Variants in PAM observed in about 807,000 individuals in gnomAD.
The protein encoded by PAM is peptidyl-glycine alpha-amidating monooxygenase.
PAM carries 72 observed loss-of-function variants against 122.1 expected under a neutral mutation model. The ratio of observed to expected loss-of-function variants is 0.59; its 90% confidence interval spans 0.49 to 0.72. The LOEUF is 0.72. Ranked by LOEUF, PAM falls within the 30% of genes least tolerant of loss-of-function variation. PAM has a pLI of 0.00. For synonymous variants in PAM, 389 were observed against 404.4 expected (o/e 0.96, Z 0.46); for missense variants, 1,106 against 1,183.7 (o/e 0.93, Z 0.96).
At chr5:103,016,162 G>C (rs1441898197) in intron 21 of PAM, among the ~76,000 whole-genome samples, 2 of 152,020 alleles carry the variant, frequency 1.3e-5, no homozygotes, top group Non-Finnish European at 1.5e-5. Context: ...CAGCTTATTT[G>C]AAAGTATGAA....
In PAM at chr5:102,789,515, G is replaced by A. The variant is rs112382116; in HGVS notation, c.-374+34167G>A. 7.1e-3 allele frequency among the ~76,000 whole-genome samples: 1,081 copies of A among 152,152 alleles called. 7 individuals carry two copies. The highest frequency in any genetic ancestry group is 0.025 in the African/African-American group (1,024 of 41,530). ...CATGGCTGATCCTTGAAGACATTACGCTAGGTGAAATAAGCGAGACACAAA... is the reference window on the plus strand; with the variant it reads ...CATGGCTGATCCTTGAAGACATTACACTAGGTGAAATAAGCGAGACACAAA... On this transcript the variant is annotated intron_variant, in intron 1 of 25. Coordinates refer to ENST00000438793, the MANE Select transcript of PAM (RefSeq NM_001177306.2).
At chr5:102,837,302 G>A (rs1024843275) in intron 1 of PAM, among the ~76,000 whole-genome samples, 1 of 152,072 alleles carries the variant, frequency 6.6e-6, no homozygotes, top group African/African-American at 2.4e-5. Context: ...ACATTGCCTT[G>A]CAATATTTGT....
intron 5 of PAM, among the ~76,000 whole-genome samples, chr5:102,923,858 C>A (rs1748341508): frequency 6.6e-6 from 1 of 152,094 alleles, no homozygotes; most frequent in Admixed American, 6.5e-5. Flanking sequence ...TTTCACCCTG[C>A]AACACTCTCT....
At chr5:102,955,275 T>C (rs1383391057) in intron 12 of PAM, among the ~76,000 whole-genome samples, 1 of 151,924 alleles carries the variant, frequency 6.6e-6, no homozygotes, top group African/African-American at 2.4e-5. Flanking sequence ...CTTTCTAATA[T>C]AATATATTTT....
At chr5:102,833,798 G>T (rs1401084379) in intron 1 of PAM, among the ~76,000 whole-genome samples, 1 of 152,044 alleles carries the variant, frequency 6.6e-6, no homozygotes, top group Non-Finnish European at 1.5e-5. Flanking sequence ...GACAATGTTG[G>T]ATTCCTTACC....
intron 15 of PAM, 200 bp from the exon 16 acceptor site, chr5:102,990,072 A>G: frequency 2.8e-6 from 1 of 355,324 alleles, no homozygotes. Context: ...TCCTAATGCA[A>G]GTTCCCAGTC....
At chr5:102,824,993 G>T (rs1773156918) in intron 1 of PAM, among the ~76,000 whole-genome samples, 1 of 152,202 alleles carries the variant, frequency 6.6e-6, no homozygotes, top group Admixed American at 6.5e-5. Context: ...AGACATTGAT[G>T]ACAGACTTGT....
At position 102,925,011 on chromosome 5, in the gene PAM, G is replaced by GAGA; in HGVS notation, c.413_415dup (p.Arg138dup). On this transcript the variant is annotated inframe_insertion, in exon 6 of 26. Transcript: ENST00000438793. ...AAGCCAATATTCTGTATGCCTGGGC[G>GAGA]AGAAATGCTCCCCCTACCCGGCTCC... 6.3e-7 allele frequency: 1 copy of GAGA among 1,591,292 alleles called. No individual in the cohort carries two copies. Among genetic ancestry groups the GAGA allele is most frequent in the Non-Finnish European group, 8.6e-7 (1 of 1,159,138 alleles).
intron 4 of PAM, among the ~76,000 whole-genome samples, chr5:102,902,949 G>A (rs1197173204): frequency 6.6e-6 from 1 of 151,384 alleles, no homozygotes. Context: ...TATATCCTGT[G>A]TGTTATTGCT....
intron 23 of PAM, among the ~76,000 whole-genome samples, chr5:103,020,871 G>A (rs1421674553): frequency 6.6e-6 from 1 of 152,018 alleles, no homozygotes; most frequent in African/African-American, 2.4e-5. Context: ...AAAATAAATA[G>A]CAATTGTTTG....
intron 1 of PAM, among the ~76,000 whole-genome samples, chr5:102,810,011 T>C (rs1360221004): frequency 6.6e-6 from 1 of 152,144 alleles, no homozygotes; most frequent in African/African-American, 2.4e-5. Flanking sequence ...AGAAAGTAAG[T>C]CAATATAAAC....
intron 1 of PAM, among the ~76,000 whole-genome samples, chr5:102,756,758 TG>T (rs141946825): frequency 0.029 from 4,371 of 152,190 alleles, 110 homozygotes; most frequent in East Asian, 0.14. Context: ...AGCAAGACCC[TG>T]TCTCAAAAAT....
At chr5:102,979,507 T>G (rs1329073767) in intron 15 of PAM, among the ~76,000 whole-genome samples, 4 of 151,906 alleles carry the variant, frequency 2.6e-5, no homozygotes, top group Non-Finnish European at 5.9e-5. Flanking sequence ...AGCACCATAT[T>G]TTGTTTTTGT....
intron 16 of PAM, among the ~76,000 whole-genome samples, chr5:103,000,901 A>G (rs555484566): frequency 4.6e-5 from 7 of 152,136 alleles, no homozygotes; most frequent in African/African-American, 7.2e-5. Context: ...TCAAAATAAG[A>G]CTTGAATTTA....
At chr5:103,008,792 G>A (rs1779787725) in intron 20 of PAM, among the ~76,000 whole-genome samples, 1 of 151,698 alleles carries the variant, frequency 6.6e-6, no homozygotes, top group African/African-American at 2.4e-5. Flanking sequence ...AAATTTGTCA[G>A]GACCCTTTAC....
At chr5:103,021,725 C>T (rs911469042) in intron 23 of PAM, among the ~76,000 whole-genome samples, 5 of 152,096 alleles carry the variant, frequency 3.3e-5, no homozygotes, top group Non-Finnish European at 4.4e-5. Flanking sequence ...AGATTATGTT[C>T]TTATTACAAA....
At chr5:102,973,505 C>A (rs1227501426) in intron 14 of PAM, among the ~76,000 whole-genome samples, 2 of 152,062 alleles carry the variant, frequency 1.3e-5, no homozygotes, top group Non-Finnish European at 2.9e-5. Flanking sequence ...TAAAAGTATC[C>A]TTTGCTCAAA....
Position 102,798,202 on chromosome 5 carries a change from T to A in PAM, c.-374+42854T>A, listed in dbSNP as rs371467606. 2.0e-5 allele frequency among the ~76,000 whole-genome samples: 3 copies of A among 152,314 alleles called. No homozygotes were observed. The East Asian group carries it at 5.8e-4, about 29-fold the overall frequency. ...CAGTGGAATTTTTGAGATAAAGATG[T>A]GCATTGCAGCCAGATCAGTGCCCAA... On this transcript the variant is annotated intron_variant, in intron 1 of 25. Coordinates refer to ENST00000438793, the MANE Select transcript of PAM (RefSeq NM_001177306.2).
chr5:102,832,894 T>A (rs1463458209), intron 1 of PAM, among the ~76,000 whole-genome samples: 2 of 152,192 alleles, frequency 1.3e-5, no homozygotes, highest in African/African-American at 4.8e-5. Flanking sequence ...AAATCTTTTC[T>A]TAGAGACTTT....
Sources: gnomAD v4.1 joint callset for allele counts (sites outside exome capture counted in the v4.1 genomes callset) on GRCh38, gnomAD v4.1.1 for gene constraint, MANE v1.5 for transcripts, NCBI Gene and HGNC (gene_info 2026-07-23, HGNC 2026-07-21) for gene names.